Variants in GSE1 observed in about 807,000 individuals in gnomAD.
The protein encoded by GSE1 is genetic suppressor element 1.
Under a neutral mutation model 112.6 loss-of-function variants are expected in GSE1, and 32 were observed. The ratio of observed to expected loss-of-function variants is 0.28; its 90% CI spans 0.21 to 0.38. The LOEUF (loss-of-function observed/expected upper bound fraction) is 0.38. Among genes scored for constraint, GSE1 ranks in the 10% least tolerant of loss-of-function variants. GSE1 has a pLI of 1.00. For missense variants in GSE1, 2,348 were observed against 1,699.2 expected, an observed-to-expected ratio of 1.38 and a Z score of -6.71; for synonymous variants, 1,115 against 735.6, an observed-to-expected ratio of 1.52 and a Z score of -8.35.
At chr16:85,664,488 T>G (rs1407829681) in intron 11 of GSE1, 1 of 152,390 alleles carries the variant, frequency 6.6e-6, no homozygotes, top group African/African-American at 2.4e-5. Context: ...CCTGAATTTT[T>G]GGAGGAAAAA....
intron 1 of GSE1, among the ~76,000 whole-genome samples, chr16:85,599,817 T>G (rs1010733621): frequency 2.6e-5 from 4 of 152,222 alleles, no homozygotes; most frequent in African/African-American, 9.6e-5. Flanking sequence ...GGAGGATTAC[T>G]TGAGCCCAGG....
At chr16:85,235,725 G>A (rs1172945812) in intron 1 of GSE1, among the ~76,000 whole-genome samples, 1 of 151,762 alleles carries the variant, frequency 6.6e-6, no homozygotes, top group Non-Finnish European at 1.5e-5. Context: ...TCCCCTCTGC[G>A]GCGGGACTAG....
At chr16:85,194,213 G>C (rs2074884298) in intron 1 of GSE1, among the ~76,000 whole-genome samples, 1 of 152,134 alleles carries the variant, frequency 6.6e-6, no homozygotes, top group Non-Finnish European at 1.5e-5. Context: ...GCGCCCTTGT[G>C]GTCTCTGCTG....
chr16:85,459,118 C>G (rs2049908115), intron 2 of GSE1, among the ~76,000 whole-genome samples: 2 of 152,208 alleles, frequency 1.3e-5, no homozygotes, highest in Non-Finnish European at 2.9e-5. Context: ...ACAGTGGCCT[C>G]TGACGCCGCC....
At chr16:85,187,410 C>G (rs1214427266) in intron 1 of GSE1, among the ~76,000 whole-genome samples, 2 of 152,244 alleles carry the variant, frequency 1.3e-5, no homozygotes, top group Non-Finnish European at 2.9e-5. Context: ...GCTTCCTGGA[C>G]TGAGAGCCCT....
At chr16:85,213,444 C>T (rs1292156576) in intron 1 of GSE1, among the ~76,000 whole-genome samples, 3 of 152,118 alleles carry the variant, frequency 2.0e-5, no homozygotes, top group Non-Finnish European at 4.4e-5. Flanking sequence ...CAAAGTGAAA[C>T]GCTGTCTCTA....
At chr16:85,284,725 C>T (rs1198189075) in intron 1 of GSE1, among the ~76,000 whole-genome samples, 1 of 152,078 alleles carries the variant, frequency 6.6e-6, no homozygotes, top group Non-Finnish European at 1.5e-5. Context: ...AATGGTGGCT[C>T]ATGGAATACT....
At chr16:85,608,514 C>A (rs901702337), upstream of GSE1, among the ~76,000 whole-genome samples, 2 of 151,950 alleles carry the variant, frequency 1.3e-5, no homozygotes, top group Non-Finnish European at 2.9e-5. Flanking sequence ...GACCTGAAAC[C>A]GCTTGAGACC....
At chr16:85,606,098 T>G (rs1390417330) in intron 1 of GSE1, among the ~76,000 whole-genome samples, 1 of 152,178 alleles carries the variant, frequency 6.6e-6, no homozygotes, top group African/African-American at 2.4e-5. Flanking sequence ...CTCCTGCCCT[T>G]GAAGTCTGCC....
intron 2 of GSE1, among the ~76,000 whole-genome samples, chr16:85,491,030 G>A (rs2050994835): frequency 2.0e-5 from 3 of 152,102 alleles, no homozygotes; most frequent in Non-Finnish European, 4.4e-5. Flanking sequence ...GCCTCTGGCC[G>A]CCAGGGTACC....
At chr16:85,609,649 GCTTT>G (rs1447476244), upstream of GSE1, among the ~76,000 whole-genome samples, 3 of 152,018 alleles carry the variant, frequency 2.0e-5, no homozygotes, top group African/African-American at 4.8e-5. Context: ...GAGATGGAAA[GCTTT>G]CTTTTTTTTT....
chr16:85,489,330 A>G (rs1431506947), intron 2 of GSE1, among the ~76,000 whole-genome samples: 2 of 151,928 alleles, frequency 1.3e-5, no homozygotes, highest in Non-Finnish European at 2.9e-5. Flanking sequence ...TGCCACCAAG[A>G]TGCAAGAGGC....
chr16:85,668,768 T>A (rs1283915850), intron 14 of GSE1, among the ~76,000 whole-genome samples: 1 of 152,238 alleles, frequency 6.6e-6, no homozygotes, highest in Non-Finnish European at 1.5e-5. Flanking sequence ...GTTGATTTGC[T>A]GAGCCCTGGC....
exon 1 of GSE1, chr16:85,170,993 C>T (rs1341118166): frequency 1.0e-5 from 10 of 985,400 alleles, no homozygotes; most frequent in African/African-American, 1.7e-5. Context: ...GACTGTACCC[C>T]GGATGCCCGG....
chr16:85,269,561 T>C (rs1044983395), intron 1 of GSE1, among the ~76,000 whole-genome samples: 1 of 149,348 alleles, frequency 6.7e-6, no homozygotes, highest in Admixed American at 6.7e-5. Flanking sequence ...CCTGTGGGGC[T>C]GGGGACCCAG....
chr16:85,470,099 T>C (rs1414867514), intron 2 of GSE1, among the ~76,000 whole-genome samples: 2 of 152,192 alleles, frequency 1.3e-5, no homozygotes, highest in Non-Finnish European at 2.9e-5. Context: ...CGCTCCAGGG[T>C]GCGGGAGCCC....
chr16:85,516,804 T>TA (rs1303203399), intron 2 of GSE1, among the ~76,000 whole-genome samples: 4 of 149,698 alleles, frequency 2.7e-5, no homozygotes, highest in Admixed American at 2.0e-4. Context: ...GGTTCTTTTT[T>TA]TTTTTTTTTT....
intron 1 of GSE1, among the ~76,000 whole-genome samples, chr16:85,277,521 C>T (rs550464160): frequency 6.0e-4 from 91 of 152,250 alleles, no homozygotes; most frequent in Middle Eastern, 3.4e-3. Context: ...CCTGGGATTC[C>T]GGATTTCTAA....
At chr16:85,264,140 C>G (rs997182241) in intron 1 of GSE1, among the ~76,000 whole-genome samples, 2 of 152,096 alleles carry the variant, frequency 1.3e-5, no homozygotes, top group Non-Finnish European at 2.9e-5. Context: ...TTATGGGGCA[C>G]AACCTGTTGT....
Sources: gnomAD v4.1 joint callset for allele counts (sites outside exome capture counted in the v4.1 genomes callset) on GRCh38, gnomAD v4.1.1 for gene constraint, MANE v1.5 for transcripts, NCBI Gene and HGNC (gene_info 2026-07-23, HGNC 2026-07-21) for gene names.